Variants in PCM1 observed in about 807,000 individuals in gnomAD.
PCM1 encodes the protein pericentriolar material 1, also known as pericentriolar material 1 protein.
A neutral mutation model predicts 241.9 loss-of-function variants in PCM1; 157 were observed. The observed-to-expected ratio is 0.65, with a 90% confidence interval of 0.57 to 0.74. PCM1 has a LOEUF of 0.74. Ranked by LOEUF, PCM1 falls within the 30% of genes least tolerant of loss-of-function variation. The pLI, the probability that PCM1 is intolerant of heterozygous loss-of-function variation, is 0.00. For missense variants in PCM1, 3,478 were observed against 2,360.1 expected (o/e 1.47, Z -9.81); for synonymous variants, 1,085 against 784.9 (o/e 1.38, Z -6.39).
intron 38 of PCM1, among the ~76,000 whole-genome samples, chr8:18,026,745 C>G (rs146369461): frequency 7.9e-5 from 12 of 152,032 alleles, no homozygotes; most frequent in African/African-American, 2.9e-4. Context: ...CTATTTTTTA[C>G]TTTCAATTTT....
At chr8:17,976,991 T>G (rs1337982181) in intron 23 of PCM1, among the ~76,000 whole-genome samples, 1 of 152,174 alleles carries the variant, frequency 6.6e-6, no homozygotes. Flanking sequence ...GACTCCCCAC[T>G]GAGAATTTCG....
chr8:17,959,943 A>G, intron 13 of PCM1, 71 bp from the exon 14 acceptor site: 1 of 1,422,616 alleles, frequency 7.0e-7, no homozygotes, highest in South Asian at 1.3e-5. Flanking sequence ...GACTAGTGGT[A>G]TTTACTAAGG....
intron 23 of PCM1, among the ~76,000 whole-genome samples, chr8:17,975,324 C>T (rs977295668): frequency 8.5e-5 from 13 of 152,134 alleles, no homozygotes; most frequent in South Asian, 2.1e-4. Flanking sequence ...CCACCACACC[C>T]GGCTAATTTT....
At chr8:17,925,173 G>A (rs1043163247) in intron 2 of PCM1, 3 of 152,042 alleles carry the variant, frequency 2.0e-5, no homozygotes, top group East Asian at 3.8e-4. Flanking sequence ...TCTACTTGTC[G>A]AACTTGTTAT....
In PCM1 at chr8:17,953,146, A is replaced by G. The variant is rs573011677; in HGVS notation, c.1248A>G (p.Glu416=). The G allele has an allele frequency of 1.9e-6, 3 of 1,582,650 alleles. No individual in the cohort carries two copies. In the East Asian group the frequency reaches 6.8e-5, roughly 36 times the overall value. ...KKQKMDKLLG[E]LHTLRDQHLN... is the part of the protein sequence containing the mutation. Reference sequence around the variant, plus strand: ...AAAAAATGGACAAATTGCTTGGAGAACTTCATACACTTCGAGATCAGCATC... The same window carrying G: ...AAAAAATGGACAAATTGCTTGGAGAGCTTCATACACTTCGAGATCAGCATC... Residue 416 remains glutamate (E), a synonymous_variant, in exon 9 of 39, where the codon GAA becomes GAG. Coordinates refer to ENST00000325083, the MANE Select transcript of PCM1 (RefSeq NM_006197.4).
At chr8:17,979,672 T>C (rs1274568132) in intron 23 of PCM1, among the ~76,000 whole-genome samples, 1 of 152,194 alleles carries the variant, frequency 6.6e-6, no homozygotes, top group Non-Finnish European at 1.5e-5. Flanking sequence ...CATAACCATG[T>C]TCTTAAGATG....
chr8:17,938,846 C>G lies in PCM1; in HGVS notation c.449C>G (p.Thr150Ser), dbSNP rs757593813. Residue 150 changes from threonine to serine, a missense_variant, in exon 5 of 39, where the codon ACT becomes AGT. Thr to Ser is a moderately conservative substitution (Grantham distance 58, BLOSUM62 1). Coordinates refer to ENST00000325083, the MANE Select transcript of PCM1 (RefSeq NM_006197.4). ...AACTTTTTGCCTATGCAGATTAATACTAACAAGAGCAAAGATGCATCTACA... is the reference window on the plus strand; with the variant it reads ...AACTTTTTGCCTATGCAGATTAATAGTAACAAGAGCAAAGATGCATCTACA... ...PFNFLPMQIN[T>S]NKSKDASTNP... The G allele has an allele frequency of 3.7e-6, 6 of 1,613,606 alleles. No homozygotes were observed. Among genetic ancestry groups the G allele is most frequent in the African/African-American group, 1.3e-5 (1 of 75,054 alleles).
intron 32 of PCM1, among the ~76,000 whole-genome samples, chr8:18,010,904 C>T (rs1416503050): frequency 6.6e-6 from 1 of 152,042 alleles, no homozygotes; most frequent in Non-Finnish European, 1.5e-5. Context: ...ACCTGGGAGG[C>T]AGAGGTGGTA....
chr8:17,997,520 C>T (rs2087327893), intron 29 of PCM1, among the ~76,000 whole-genome samples: 1 of 151,946 alleles, frequency 6.6e-6, no homozygotes. Context: ...TGTAGGTGTG[C>T]TTTATTGTGT....
chr8:17,962,863 A>G (rs573725100), intron 16 of PCM1: 73 of 349,426 alleles, frequency 2.1e-4, no homozygotes, highest in Admixed American at 3.4e-4. Flanking sequence ...AGATCACACC[A>G]CTGCACTCCA....
At chr8:17,954,265 T>C (rs1292354032) in intron 9 of PCM1, among the ~76,000 whole-genome samples, 4 of 151,926 alleles carry the variant, frequency 2.6e-5, no homozygotes, top group Non-Finnish European at 5.9e-5. Flanking sequence ...CCGTCTCTAC[T>C]AAAAGTACAA....
At chr8:17,931,257 GA>G (rs1201838872) in intron 2 of PCM1, among the ~76,000 whole-genome samples, 1 of 152,064 alleles carries the variant, frequency 6.6e-6, no homozygotes, top group African/African-American at 2.4e-5. Flanking sequence ...TTGTGATAGG[GA>G]AATAGAATGC....
At chr8:17,951,065 A>G (rs2065836462) in intron 8 of PCM1, among the ~76,000 whole-genome samples, 2 of 152,242 alleles carry the variant, frequency 1.3e-5, no homozygotes, top group African/African-American at 4.8e-5. Flanking sequence ...CACAACGATT[A>G]AGACTTTGCT....
intron 36 of PCM1, among the ~76,000 whole-genome samples, chr8:18,018,879 T>TATATATATAC: frequency 2.8e-5 from 1 of 35,546 alleles, no homozygotes; most frequent in South Asian, 5.5e-4. Flanking sequence ...TATATATATA[T>TATATATATAC]ACACACACAT....
intron 28 of PCM1, 144 bp from the exon 29 acceptor site, chr8:17,993,339 G>C (rs913938694): frequency 1.5e-5 from 7 of 456,116 alleles, no homozygotes; most frequent in African/African-American, 1.4e-4. Flanking sequence ...TAATTGATAG[G>C]GGTGCTTAAA....
chr8:17,993,436 A>G (rs2085492395), intron 28 of PCM1, 47 bp from the exon 29 acceptor site: 2 of 1,350,000 alleles, frequency 1.5e-6, no homozygotes, highest in Non-Finnish European at 2.0e-6. Flanking sequence ...ATATATGTAT[A>G]TATAATAGGC....
chr8:18,007,976 T>A (rs2091778658), intron 30 of PCM1, among the ~76,000 whole-genome samples: 1 of 152,202 alleles, frequency 6.6e-6, no homozygotes, highest in African/African-American at 2.4e-5. Context: ...ATTTGAAGAT[T>A]CTCAACCTAA....
intron 36 of PCM1, among the ~76,000 whole-genome samples, chr8:18,020,084 T>G (rs1213728503): frequency 6.6e-6 from 1 of 152,128 alleles, no homozygotes; most frequent in Non-Finnish European, 1.5e-5. Flanking sequence ...AGGAACAAGC[T>G]TTCAATAAAA....
chr8:17,995,376 C>A (rs1347559017), intron 29 of PCM1, among the ~76,000 whole-genome samples: 1 of 151,086 alleles, frequency 6.6e-6, no homozygotes, highest in African/African-American at 2.5e-5. Context: ...CTGTTCTGTT[C>A]TATCGGTCTG....
Sources: gnomAD v4.1 joint callset for allele counts (sites outside exome capture counted in the v4.1 genomes callset) on GRCh38, gnomAD v4.1.1 for gene constraint, MANE v1.5 for transcripts, NCBI Gene and HGNC (gene_info 2026-07-23, HGNC 2026-07-21) for gene names.